The following REV3L variants were observed in gnomAD, a reference collection of about 807,000 sequenced individuals.
REV3L encodes DNA polymerase zeta catalytic subunit.
A neutral mutation model predicts 299.4 loss-of-function variants in REV3L; 69 were observed. The ratio of observed to expected loss-of-function variants is 0.23; its 90% CI spans 0.19 to 0.28. The LOEUF (loss-of-function observed/expected upper bound fraction) is 0.28, where lower values mean the gene tolerates loss of function less well. Ranked by LOEUF, REV3L falls within the 10% of genes least tolerant of loss-of-function variation. The pLI is 1.00. For synonymous variants in REV3L, 1,238 were observed against 1,271.4 expected (o/e 0.97, Z 0.56); for missense variants, 3,128 against 3,693.8 (o/e 0.85, Z 3.97).
intron 1 of REV3L, among the ~76,000 whole-genome samples, chr6:111,460,100 A>C (rs750162075): frequency 3.7e-4 from 56 of 152,092 alleles, no homozygotes; most frequent in Non-Finnish European, 5.7e-4. Flanking sequence ...GAAAGAACAA[A>C]ATCATGTCCT....
chr6:111,395,560 A>T (rs964896797), intron 4 of REV3L, among the ~76,000 whole-genome samples: 1 of 152,184 alleles, frequency 6.6e-6, no homozygotes, highest in African/African-American at 2.4e-5. Context: ...TTAAAAAAAA[A>T]TCTGCAACTT....
intron 11 of REV3L, among the ~76,000 whole-genome samples, 185 bp from the exon 12 acceptor site, chr6:111,378,028 A>G (rs1385568759): frequency 1.3e-5 from 2 of 152,246 alleles, no homozygotes; most frequent in African/African-American, 4.8e-5. Flanking sequence ...AAGCATATTT[A>G]CTTTGCTTTA....
chr6:111,368,413 C>G (rs1330384365), intron 13 of REV3L, among the ~76,000 whole-genome samples: 1 of 152,148 alleles, frequency 6.6e-6, no homozygotes, highest in African/African-American at 2.4e-5. Flanking sequence ...ATTTATCATT[C>G]AAATACTATG....
chr6:111,434,703 C>T (rs1787347521), intron 1 of REV3L, among the ~76,000 whole-genome samples: 1 of 150,326 alleles, frequency 6.7e-6, no homozygotes, highest in African/African-American at 2.4e-5. Context: ...TTATATACAC[C>T]AACAGCAAAC....
Position 111,376,423 on chromosome 6 carries a change from A to G in REV3L, c.1932T>C (p.Asn644=), listed in dbSNP as rs1245196569. 27 of 1,613,550 alleles carry G rather than the reference A, an allele frequency of 1.7e-5. No homozygotes were observed. In the East Asian group the frequency reaches 5.1e-4, roughly 31 times the overall value. The change falls in exon 13 of 32, where the codon AAT becomes AAC. Residue 644 remains asparagine (N), a synonymous_variant. Transcript: ENST00000368802. ...ATACTGGGAGGATCTCTTTCTTACT[A>G]TTCTCTTTATGAGAATTTTCTGAAT... The part of the protein sequence containing the change: ...TVHSENSHKE[N]SKKEILPVSS...
Position 111,422,633 on chromosome 6 carries a change from C to CAT in REV3L, c.140-6163_140-6162dup, listed in dbSNP as rs61502240. Among the ~76,000 whole-genome samples, 73 of 17,078 alleles carry CAT rather than the reference C, an allele frequency of 4.3e-3. 12 individuals carry two copies. In the South Asian group the frequency reaches 0.092, roughly 22 times the overall value. 11.2% of individuals were successfully genotyped at this position (17,078 alleles called of 152,430 possible). A position where few individuals can be genotyped will look rare whatever the true frequency, so the allele number is the denominator to read the frequency against. On this transcript the variant is annotated intron_variant, in intron 1 of 31. Transcript: ENST00000368802. ...ATATACACATATATATATATATACACATATATATATATATACATATATATA... is the reference window on the plus strand; with the variant it reads ...ATATACACATATATATATATATACACATATATATATATATATACATATATATA...
intron 25 of REV3L, among the ~76,000 whole-genome samples, chr6:111,323,532 T>C (rs1006295137): frequency 6.6e-6 from 1 of 152,184 alleles, no homozygotes; most frequent in Non-Finnish European, 1.5e-5. Context: ...TAGGTAGATA[T>C]ATATCTAGGA....
chr6:111,462,735 CA>C (rs1207822927), intron 1 of REV3L, among the ~76,000 whole-genome samples: 1 of 152,080 alleles, frequency 6.6e-6, no homozygotes, highest in African/African-American at 2.4e-5. Flanking sequence ...CTTTGGAAAA[CA>C]ATTTGGCATT....
At chr6:111,428,093 C>T (rs1786404975) in intron 1 of REV3L, among the ~76,000 whole-genome samples, 1 of 150,382 alleles carries the variant, frequency 6.6e-6, no homozygotes, top group South Asian at 2.1e-4. Flanking sequence ...CGATAAAAAC[C>T]AAAACAAGCC....
At chr6:111,470,011 G>A (rs571412046) in intron 1 of REV3L, among the ~76,000 whole-genome samples, 1 of 152,006 alleles carries the variant, frequency 6.6e-6, no homozygotes, top group East Asian at 1.9e-4. Context: ...TAATTACACT[G>A]AACTTATAAA....
chr6:111,396,946 T>C (rs1782576298), intron 4 of REV3L, among the ~76,000 whole-genome samples: 1 of 152,204 alleles, frequency 6.6e-6, no homozygotes, highest in South Asian at 2.1e-4. Flanking sequence ...TAGTCTCTGA[T>C]GATCCTCTCT....
Position 111,309,969 on chromosome 6 carries a change from G to A in REV3L, c.8926C>T (p.Pro2976Ser), listed in dbSNP as rs143815049. 25 of 1,613,988 alleles carry A rather than the reference G, an allele frequency of 1.5e-5. No individual in the cohort carries two copies. The highest frequency in any genetic ancestry group is 2.0e-5 in the Non-Finnish European group (24 of 1,179,960). Residue 2976 changes from proline (P) to serine (S), a missense_variant, in exon 30 of 32, where the codon CCA becomes TCA. Pro to Ser is a moderately conservative substitution (Grantham distance 74). Transcript: ENST00000368802. ...VRRPVEVLQDPTLRLNATYYI... is the reference protein window; with the variant it reads ...VRRPVEVLQDSTLRLNATYYI... ...TAAGTAGCATTCAGTCTCAGAGTTG[G>A]GTCCTGCAGGACTTCCACTGGGCGC...
At chr6:111,425,921 G>T (rs916864345) in intron 1 of REV3L, among the ~76,000 whole-genome samples, 2 of 152,152 alleles carry the variant, frequency 1.3e-5, no homozygotes, top group African/African-American at 2.4e-5. Flanking sequence ...ATTTACAAGA[G>T]GGGGTATGAT....
chr6:111,416,048 T>C (rs1784737197), intron 2 of REV3L, among the ~76,000 whole-genome samples: 1 of 152,166 alleles, frequency 6.6e-6, no homozygotes, highest in South Asian at 2.1e-4. Context: ...GAATTACTAA[T>C]GAATTTCTAT....
In REV3L at chr6:111,373,533, T is replaced by A; in HGVS notation, c.4822A>T (p.Asn1608Tyr). The stretch of plus-strand genomic sequence containing the variant: ...ACAGAGTTATCCAACTGGCTAGAGT[T>A]TTGTAAATTTAAAGAGTCTACTTTG... ...LLKVDSLNLQNSSQLDNSVSD... is the reference protein window; with the variant it reads ...LLKVDSLNLQYSSQLDNSVSD... The change falls in exon 13 of 32, where the codon AAC becomes TAC. Residue 1608 changes from asparagine (N) to tyrosine (Y), a missense_variant. Physicochemically the swap from Asn to Tyr is moderately radical, Grantham distance 143. Around this residue, in one of 9 missense-constraint regions of REV3L, gnomAD observed 2,409 missense variants for 2,611.8 expected, o/e 0.92. Transcript: ENST00000368802. 1 of 1,613,340 alleles carries A rather than the reference T, an allele frequency of 6.2e-7. No homozygotes were observed. The highest frequency in any genetic ancestry group is 8.5e-7 in the Non-Finnish European group (1 of 1,179,810).
intron 5 of REV3L, among the ~76,000 whole-genome samples, chr6:111,392,525 T>A (rs1157297233): frequency 1.3e-5 from 2 of 152,166 alleles, no homozygotes; most frequent in Non-Finnish European, 2.9e-5. Flanking sequence ...TAAAAATATT[T>A]AGATTTTTGT....
intron 25 of REV3L, among the ~76,000 whole-genome samples, chr6:111,328,227 G>A (rs1353020068): frequency 6.6e-6 from 1 of 152,110 alleles, no homozygotes; most frequent in Non-Finnish European, 1.5e-5. Context: ...AGTAAATATG[G>A]AATGACTGTT....
intron 4 of REV3L, among the ~76,000 whole-genome samples, chr6:111,393,410 G>T (rs1562245245): frequency 6.6e-6 from 1 of 152,048 alleles, no homozygotes; most frequent in Admixed American, 6.6e-5. Flanking sequence ...AGCCACATGT[G>T]GTATTTTCAT....
At chr6:111,422,601 T>C (rs1339556226) in intron 1 of REV3L, among the ~76,000 whole-genome samples, 1 of 20,300 alleles carries the variant, frequency 4.9e-5, no homozygotes. Flanking sequence ...TATACACATA[T>C]ATATATATAT....
Sources: gnomAD v4.1 joint callset for allele counts (sites outside exome capture counted in the v4.1 genomes callset) on GRCh38, gnomAD v4.1.1 for gene constraint, gnomAD v4.1.1 regional missense constraint, MANE v1.5 for transcripts, NCBI Gene and HGNC (gene_info 2026-07-23, HGNC 2026-07-21) for gene names.